The following PDE4D variants were observed in gnomAD, a reference collection of about 807,000 sequenced individuals.
The protein encoded by PDE4D is phosphodiesterase 4D.
In PDE4D, 24 loss-of-function variants were observed where a neutral mutation model predicts 87.4. The observed-to-expected ratio is 0.27, with a 90% CI of 0.20 to 0.39. PDE4D has a LOEUF of 0.39. Among genes scored for constraint, PDE4D ranks in the 10% least tolerant of loss-of-function variants. The pLI, the probability that PDE4D is intolerant of heterozygous loss-of-function variation, is 1.00. For synonymous variants in PDE4D, 384 were observed against 383.2 expected (o/e 1.00, Z -0.02); for missense variants, 714 against 1,041.0 (o/e 0.69, Z 4.32).
At chr5:59,191,758 A>T (rs1469111883) in intron 3 of PDE4D, among the ~76,000 whole-genome samples, 1 of 152,006 alleles carries the variant, frequency 6.6e-6, no homozygotes, top group Non-Finnish European at 1.5e-5. Flanking sequence ...TTTAGTAGAG[A>T]CAGGGTTTCA....
At chr5:59,991,988 G>T (rs918457577) in intron 2 of PDE4D, among the ~76,000 whole-genome samples, 1 of 152,150 alleles carries the variant, frequency 6.6e-6, no homozygotes, top group Non-Finnish European at 1.5e-5. Context: ...ATGTGGGTAG[G>T]CACCATCTAA....
intron 2 of PDE4D, among the ~76,000 whole-genome samples, chr5:59,996,276 G>A (rs1763518577): frequency 6.6e-6 from 1 of 152,178 alleles, no homozygotes; most frequent in Non-Finnish European, 1.5e-5. Context: ...ATAGGCAGAG[G>A]ATGTGTTTTG....
intron 1 of PDE4D, among the ~76,000 whole-genome samples, chr5:59,255,005 T>C (rs1036567804): frequency 2.0e-5 from 3 of 152,048 alleles, no homozygotes; most frequent in African/African-American, 7.2e-5. Context: ...CACTGGAAAA[T>C]AACCAAAAGG....
intron 1 of PDE4D, among the ~76,000 whole-genome samples, chr5:59,805,985 G>GC (rs1767689288): frequency 6.6e-6 from 1 of 152,102 alleles, no homozygotes; most frequent in African/African-American, 2.4e-5. Flanking sequence ...ATGCTTCTTT[G>GC]CCCCTCTCCC....
intron 1 of PDE4D, among the ~76,000 whole-genome samples, chr5:59,889,136 G>A (rs1750581213): frequency 6.6e-6 from 1 of 150,626 alleles, no homozygotes; most frequent in Non-Finnish European, 1.5e-5. Context: ...GCCAAGGCAG[G>A]AGAATCCCTT....
At chr5:60,160,686 C>T in intron 2 of PDE4D, 1 of 278,482 alleles carries the variant, frequency 3.6e-6, no homozygotes, top group Non-Finnish European at 7.1e-6. Flanking sequence ...GCTGTTTCCT[C>T]AGTACTTTGA....
intron 5 of PDE4D, among the ~76,000 whole-genome samples, chr5:59,083,122 T>C (rs1767063410): frequency 6.6e-6 from 1 of 152,162 alleles, no homozygotes; most frequent in Non-Finnish European, 1.5e-5. Context: ...GTCTTAACAC[T>C]TGATAGTTTG....
intron 1 of PDE4D, among the ~76,000 whole-genome samples, chr5:59,608,414 C>T (rs141431337): frequency 1.8e-4 from 28 of 152,184 alleles, no homozygotes; most frequent in African/African-American, 5.3e-4. Flanking sequence ...CACCTAAACA[C>T]AAGGGACTTA....
Position 58,990,815 on chromosome 5 carries a change from T to C in PDE4D, c.1276A>G (p.Thr426Ala). ...CTCAACCACCTTACCTGAAAAATGG[T>C]GTGCATGATAACAGTCAAGGGCCGG... ...GNRPLTVIMH[T>A]IFQERDLLKT... is the part of the protein sequence containing the mutation. The change falls in exon 9 of 15, where the codon ACC (threonine) becomes GCC (alanine). Residue 426 changes from threonine to alanine, a missense_variant. Coordinates refer to ENST00000340635, the MANE Select transcript of PDE4D (RefSeq NM_001104631.2). The C allele has an allele frequency of 1.3e-6, 2 of 1,573,918 alleles. No individual in the cohort carries two copies. The highest frequency in any genetic ancestry group is 1.7e-6 in the Non-Finnish European group (2 of 1,150,472).
chr5:59,733,310 C>T (rs760175257), intron 1 of PDE4D, among the ~76,000 whole-genome samples: 29 of 152,014 alleles, frequency 1.9e-4, no homozygotes, highest in Non-Finnish European at 2.9e-4. Context: ...GGGATACATG[C>T]AAAACGTGAG....
intron 1 of PDE4D, among the ~76,000 whole-genome samples, chr5:60,447,945 T>C (rs899612405): frequency 7.2e-5 from 11 of 152,192 alleles, no homozygotes; most frequent in African/African-American, 2.7e-4. Flanking sequence ...TTTACTTTGT[T>C]TATAGTATAG....
intron 1 of PDE4D, among the ~76,000 whole-genome samples, chr5:59,682,476 G>C (rs1749188804): frequency 6.6e-6 from 1 of 152,156 alleles, no homozygotes; most frequent in Non-Finnish European, 1.5e-5. Context: ...TTGAAAGATA[G>C]TCTATGCTTT....
rs530659616 is a variant in PDE4D, at chr5:60,274,784, T to C, written c.-89-89097A>G. ...CTATTGGCAGTGTACCATAAAGCTA[T>C]CTAGACCAGTTGTTTTCACCTTGGC... On this transcript the variant is annotated intron_variant, in intron 1 of 16. Coordinates refer to the PDE4D transcript ENST00000502484. 9.1e-4 allele frequency among the ~76,000 whole-genome samples: 138 copies of C among 152,322 alleles called. 2 individuals carry two copies. The South Asian group carries it at 0.027, about 29-fold the overall frequency.
chr5:60,147,921 T>C (rs1007796907), intron 2 of PDE4D: 1 of 364,504 alleles, frequency 2.7e-6, no homozygotes, highest in African/African-American at 2.2e-5. Flanking sequence ...AGCCACAGTT[T>C]TTATAACCTA....
chr5:59,254,859 T>G (rs1443944562), intron 1 of PDE4D, among the ~76,000 whole-genome samples: 1 of 152,080 alleles, frequency 6.6e-6, no homozygotes, highest in Admixed American at 6.6e-5. Flanking sequence ...GTATGTACAG[T>G]CTTAGCATAT....
intron 5 of PDE4D, among the ~76,000 whole-genome samples, chr5:59,043,139 C>G (rs1484415520): frequency 6.6e-6 from 1 of 152,094 alleles, no homozygotes; most frequent in Non-Finnish European, 1.5e-5. Context: ...CTAGATAGAC[C>G]TATTGGTATA....
rs1473240511 is a variant in PDE4D, at chr5:59,893,473, G to A, written c.150C>T (p.Leu50=). Residue 50 remains leucine (L), a synonymous_variant, in exon 1 of 15, where the codon CTC becomes CTT. Transcript: ENST00000340635. ...QYPLRQPQFR[L]LHPHHHLPPP... is the part of the protein sequence containing the mutation. ...GGGGCAGGTGGTGATGGGGATGCAGGAGGCGGAACTGGGGCTGCCGGAGCG... is the reference window on the plus strand; with the variant it reads ...GGGGCAGGTGGTGATGGGGATGCAGAAGGCGGAACTGGGGCTGCCGGAGCG... The A allele has an allele frequency of 3.9e-6, 6 of 1,536,384 alleles. No homozygotes were observed. The highest frequency in any genetic ancestry group is 5.3e-6 in the Non-Finnish European group (6 of 1,140,548).
rs147036423 is a variant in PDE4D at position 59,695,801 on chromosome 5, G to T, written c.455+197367C>A. On this transcript the variant is annotated intron_variant, in intron 1 of 14. Transcript: ENST00000340635. Reference sequence around the variant, plus strand: ...TTGTTGTATTTTTTGTAGAGATGGGGTTTCACCACGTTGCTCAGGCTGGTC... The same window carrying T: ...TTGTTGTATTTTTTGTAGAGATGGGTTTTCACCACGTTGCTCAGGCTGGTC... 4.5e-4 allele frequency among the ~76,000 whole-genome samples: 68 copies of T among 151,452 alleles called. No homozygotes were observed. In the East Asian group the frequency reaches 0.011, roughly 25 times the overall value.
chr5:58,983,739 C>T (rs1745771038), intron 11 of PDE4D, among the ~76,000 whole-genome samples: 2 of 152,200 alleles, frequency 1.3e-5, no homozygotes, highest in Non-Finnish European at 2.9e-5. Flanking sequence ...GAGCAGCTTG[C>T]ACAGCAGGCT....
Sources: gnomAD v4.1 joint callset for allele counts (sites outside exome capture counted in the v4.1 genomes callset) on GRCh38, gnomAD v4.1.1 for gene constraint, MANE v1.5 for transcripts, NCBI Gene and HGNC (gene_info 2026-07-23, HGNC 2026-07-21) for gene names.